Variants in RP1 observed in about 807,000 individuals in gnomAD.
The protein encoded by RP1 is RP1 axonemal microtubule associated.
In RP1, 16 loss-of-function variants were observed where a neutral mutation model predicts 14.8. The ratio of observed to expected loss-of-function variants is 1.08; its 90% CI spans 0.73 to 1.65. The LOEUF (loss-of-function observed/expected upper bound fraction) is 1.65, where lower values mean the gene tolerates loss of function less well. Among genes scored for constraint, RP1 ranks in the 40% most tolerant of loss-of-function variants. The pLI, the probability that RP1 is intolerant of heterozygous loss-of-function variation, is 0.00. For synonymous variants in RP1, 876 were observed against 883.6 expected, an observed-to-expected ratio of 0.99 and a Z score of 0.15; for missense variants, 2,631 against 2,535.0, an observed-to-expected ratio of 1.04 and a Z score of -0.81.
downstream of RP1, among the ~76,000 whole-genome samples, chr8:54,634,885 T>A (rs1233473374): frequency 6.6e-6 from 1 of 152,096 alleles, no homozygotes; most frequent in Non-Finnish European, 1.5e-5. Flanking sequence ...ATCGAGACCA[T>A]CCTGGCGAAC....
At chr8:54,729,009 G>A (rs1236283099) in intron 17 of RP1, among the ~76,000 whole-genome samples, 2 of 151,998 alleles carry the variant, frequency 1.3e-5, no homozygotes, top group South Asian at 4.2e-4. Context: ...AAATACTTCA[G>A]AAATGCCATA....
chr8:54,570,242 A>G (rs1011250994), intron 1 of RP1, among the ~76,000 whole-genome samples: 1 of 152,170 alleles, frequency 6.6e-6, no homozygotes, highest in African/African-American at 2.4e-5. Context: ...AGACAGCATC[A>G]CAATATTCAT....
chr8:54,709,665 T>C (rs895255261), intron 15 of RP1, among the ~76,000 whole-genome samples: 7 of 152,096 alleles, frequency 4.6e-5, no homozygotes, highest in Admixed American at 4.6e-4. Context: ...ATAAGAAATA[T>C]TGCACATAAG....
At chr8:54,661,228 T>G (rs1197855721) in intron 6 of RP1, among the ~76,000 whole-genome samples, 1 of 146,900 alleles carries the variant, frequency 6.8e-6, no homozygotes, top group African/African-American at 2.5e-5. Flanking sequence ...TACATAATGA[T>G]ATATATAATA....
chr8:54,590,587 C>CT (rs1341094323), intron 1 of RP1, among the ~76,000 whole-genome samples: 6 of 152,306 alleles, frequency 3.9e-5, no homozygotes, highest in Admixed American at 1.3e-4. Context: ...CTCTCCTCCT[C>CT]TACAAGACCT....
intron 1 of RP1, among the ~76,000 whole-genome samples, chr8:54,578,467 CAAA>C (rs1182141452): frequency 1.3e-5 from 2 of 152,138 alleles, no homozygotes; most frequent in East Asian, 3.9e-4. Context: ...CTCAGCCTCC[CAAA>C]GTGCTAGGAT....
rs371104125 is a variant in RP1 at position 54,765,157 on chromosome 8, CT to C, written c.3249-4583del. Reference sequence around the variant, plus strand: ...GTGGAAGCAAGGCTGATAATCACCCCTGTACCATCCCATCATTATTATTCAC... The same window carrying C: ...GTGGAAGCAAGGCTGATAATCACCCCGTACCATCCCATCATTATTATTCAC... On this transcript the variant is annotated intron_variant, in intron 22 of 22. Transcript: ENST00000636932. Among the ~76,000 whole-genome samples the C allele has an allele frequency of 4.4e-4, 67 of 152,382 alleles. 1 individual carries two copies. In the East Asian group the frequency reaches 8.7e-3, roughly 20 times the overall value.
chr8:54,579,890 G>C (rs1173918511), intron 1 of RP1, among the ~76,000 whole-genome samples: 4 of 152,168 alleles, frequency 2.6e-5, no homozygotes, highest in Non-Finnish European at 5.9e-5. Context: ...CTTCTCTCCA[G>C]GACTGGTAGA....
At chr8:54,610,579 C>T (rs553366104) in intron 1 of RP1, among the ~76,000 whole-genome samples, 1 of 152,328 alleles carries the variant, frequency 6.6e-6, no homozygotes, top group Admixed American at 6.5e-5. Context: ...GTGATATTCA[C>T]TATCACCTCC....
chr8:54,684,674 T>C (rs1189279088), intron 12 of RP1, among the ~76,000 whole-genome samples: 2 of 152,228 alleles, frequency 1.3e-5, no homozygotes, highest in Non-Finnish European at 2.9e-5. Context: ...TTATCATTTC[T>C]GATTGTGTCC....
chr8:54,727,929 G>A (rs12114949), intron 17 of RP1, among the ~76,000 whole-genome samples: 3,680 of 151,782 alleles, frequency 0.024, 161 homozygotes, highest in African/African-American at 0.083. Flanking sequence ...GTGGTTAATG[G>A]CAATACAGCA....
At chr8:54,577,661 C>A (rs919042890) in intron 1 of RP1, among the ~76,000 whole-genome samples, 1 of 152,134 alleles carries the variant, frequency 6.6e-6, no homozygotes, top group Non-Finnish European at 1.5e-5. Flanking sequence ...TACTTTATCT[C>A]ATTTAATCCT....
intron 15 of RP1, among the ~76,000 whole-genome samples, chr8:54,715,210 G>A (rs1025993600): frequency 6.6e-6 from 1 of 152,228 alleles, no homozygotes; most frequent in Non-Finnish European, 1.5e-5. Flanking sequence ...TGTTATGGTA[G>A]CTTGCAGTGG....
chr8:54,802,795 C>T (rs572019879), intron 24 of RP1, among the ~76,000 whole-genome samples: 3 of 152,102 alleles, frequency 2.0e-5, no homozygotes, highest in Admixed American at 6.5e-5. Context: ...GTTAGTGCCC[C>T]GTTAAGCAGG....
upstream of RP1, among the ~76,000 whole-genome samples, chr8:54,613,064 T>C (rs1183716625): frequency 1.3e-5 from 2 of 152,206 alleles, no homozygotes; most frequent in Non-Finnish European, 2.9e-5. Context: ...CTGTTGTGTT[T>C]GTTGCTATGT....
chr8:54,571,887 A>G (rs1431910848), intron 1 of RP1, among the ~76,000 whole-genome samples: 17 of 152,016 alleles, frequency 1.1e-4, no homozygotes, highest in Admixed American at 9.2e-4. Context: ...TTTTTTTGTA[A>G]GGACACCAGT....
chr8:54,714,132 T>C (rs1808349786), intron 15 of RP1, among the ~76,000 whole-genome samples: 1 of 152,102 alleles, frequency 6.6e-6, no homozygotes, highest in Non-Finnish European at 1.5e-5. Context: ...CACCATGTTG[T>C]CCAGGATGGT....
rs533465184 is a variant in RP1, at chr8:54,647,994, C to T, written c.788-991C>T. On this transcript the variant is annotated intron_variant, in intron 3 of 22. Coordinates refer to the RP1 transcript ENST00000636932. ...TGGTTGGATCATGGGGATGGTTTCCCCCATGCTATTCTCATGATAGTGAGT... is the reference window on the plus strand; with the variant it reads ...TGGTTGGATCATGGGGATGGTTTCCTCCATGCTATTCTCATGATAGTGAGT... Among the ~76,000 whole-genome samples the T allele has an allele frequency of 4.6e-5, 7 of 152,132 alleles. No homozygotes were observed. In the South Asian group the frequency reaches 1.2e-3, roughly 27 times the overall value.
At chr8:54,683,573 T>C (rs1807484454) in intron 12 of RP1, among the ~76,000 whole-genome samples, 1 of 152,206 alleles carries the variant, frequency 6.6e-6, no homozygotes, top group Non-Finnish European at 1.5e-5. Context: ...CAATCGTGAA[T>C]GGGAGTTCAT....
Sources: allele counts gnomAD v4.1 joint callset (sites outside exome capture counted in the v4.1 genomes callset), GRCh38; gene constraint gnomAD v4.1.1; transcripts MANE v1.5; gene names NCBI Gene and HGNC (gene_info 2026-07-23, HGNC 2026-07-21).